Variants in POU4F3 observed in about 807,000 individuals in gnomAD.
The protein encoded by POU4F3 is POU class 4 homeobox 3.
A neutral mutation model predicts 22.0 loss-of-function variants in POU4F3; 7 were observed. That is an observed-to-expected ratio of 0.32 (90% CI 0.18 to 0.60). The LOEUF is 0.60. POU4F3 is among the 20% of genes least tolerant of loss of function. The pLI is 0.85. For synonymous variants in POU4F3, 220 were observed against 194.5 expected (o/e 1.13, Z -1.09); for missense variants, 457 against 467.4 (o/e 0.98, Z 0.21).
chr5:146,339,791 C>T lies in POU4F3; in HGVS notation c.364C>T (p.His122Tyr), dbSNP rs1031024476. 1 of 1,611,912 alleles carries T rather than the reference C, an allele frequency of 6.2e-7. No homozygotes were observed. The highest frequency in any genetic ancestry group is 8.5e-7 in the Non-Finnish European group (1 of 1,179,932). The change falls in exon 2 of 2, where the codon CAC becomes TAC. Residue 122 changes from histidine (H) to tyrosine (Y), a missense_variant. Coordinates refer to ENST00000646991, the MANE Select transcript of POU4F3 (RefSeq NM_002700.3). The surrounding 1 kb of genome is among the most constrained non-coding windows in gnomAD (Gnocchi z 4.7). Reference protein sequence around the residue: ...HQGLEGDLLEHISPTLSVSGL... With the variant: ...HQGLEGDLLEYISPTLSVSGL... The stretch of plus-strand genomic sequence containing the variant: ...GGGCCTCGAAGGCGACCTGCTGGAG[C>T]ACATCTCGCCCACGCTGAGTGTGAG...
In POU4F3 at chr5:146,338,924, C is replaced by A. The variant is rs1454337289; in HGVS notation, c.-189C>A. On this transcript the variant is annotated 5_prime_UTR_variant, in exon 1 of 2. Coordinates refer to ENST00000646991, the MANE Select transcript of POU4F3 (RefSeq NM_002700.3). ...AGTCCCCGGCGCGTGAGCACGCCTG[C>A]GCGCGCCCGGGCCCTTCCTGGCAGG... 3.2e-6 allele frequency: 3 copies of A among 944,636 alleles called. No individual in the cohort carries two copies. The highest frequency in any genetic ancestry group is 4.8e-6 in the Non-Finnish European group (3 of 622,154). 58.5% of individuals were successfully genotyped at this position (944,636 alleles called of 1,614,324 possible). A position where few individuals can be genotyped will look rare whatever the true frequency, so the allele number is the denominator to read the frequency against.
rs1267752428 is a variant in POU4F3, at chr5:146,340,939, T to C, written c.*495T>C. ...TTTATTAGAGTATATAAAATACATG[T>C]ATGTTTCCAAAGGATAGCCTTATAC... On this transcript the variant is annotated 3_prime_UTR_variant, in exon 2 of 2. Transcript: ENST00000646991. 9.8e-6 allele frequency: 2 copies of C among 204,402 alleles called. No homozygotes were observed. The highest frequency in any genetic ancestry group is 2.0e-5 in the Non-Finnish European group (2 of 99,498). The allele number at this position is 204,402 out of a possible 1,614,324, so 12.7% of individuals were successfully genotyped here.
Position 146,339,257 on chromosome 5 carries a change from C to G in POU4F3, c.120+25C>G, listed in dbSNP as rs1224021783. 1 of 1,614,100 alleles carries G rather than the reference C, an allele frequency of 6.2e-7. No individual in the cohort carries two copies. The highest frequency in any genetic ancestry group is 2.2e-5 in the East Asian group (1 of 44,858). ...GGTACGTAGTGGAGCATAATTACCG[C>G]TCTAAGGCACATTTTTTGACAGGCA... On this transcript the variant is annotated intron_variant, in intron 1 of 1. Transcript: ENST00000646991. This position sits in a 1 kb window ranked among gnomAD's most constrained non-coding sequence, Gnocchi z 4.7.
chr5:146,340,291 A>G lies in POU4F3; in HGVS notation c.864A>G (p.Ser288=), dbSNP rs757659553. The change falls in exon 2 of 2, where the codon TCA becomes TCG. Residue 288 remains serine (S), a synonymous_variant. Transcript: ENST00000646991. ...CCATCGCGGCGCCGGAGAAGCGTTCACTCGAGGCCTATTTCGCTATCCAGC... is the reference window on the plus strand; with the variant it reads ...CCATCGCGGCGCCGGAGAAGCGTTCGCTCGAGGCCTATTTCGCTATCCAGC... ...RTSIAAPEKR[S]LEAYFAIQPR... 5.6e-6 allele frequency: 9 copies of G among 1,614,052 alleles called. No homozygotes were observed. Among genetic ancestry groups the G allele is most frequent in the Non-Finnish European group, 7.6e-6 (9 of 1,180,040 alleles).
rs772598858 is a variant in POU4F3 at position 146,339,199 on chromosome 5, G to C, written c.87G>C (p.Glu29Asp). The C allele has an allele frequency of 5.0e-6, 8 of 1,614,126 alleles. No homozygotes were observed. In the African/African-American group the frequency reaches 1.1e-4, roughly 22 times the overall value. Residue 29 changes from glutamate to aspartate, a missense_variant, in exon 1 of 2, where the codon GAG becomes GAC. By Grantham distance (45) the Glu-to-Asp change is conservative. Transcript: ENST00000646991. The surrounding 1 kb of genome is among the most constrained non-coding windows in gnomAD (Gnocchi z 4.7). ...PKFSSLHSGS[E>D]AMRRVCLPAP... The stretch of plus-strand genomic sequence containing the variant: ...TCTCCAGTCTGCACTCTGGCTCCGA[G>C]GCCATGCGCCGAGTCTGTCTCCCAG...
At position 146,338,932 on chromosome 5, in the gene POU4F3, C is replaced by CG. The variant is rs2126960679; in HGVS notation, c.-178dup. 9.7e-7 allele frequency: 1 copy of CG among 1,035,222 alleles called. No individual in the cohort carries two copies. The highest frequency in any genetic ancestry group is 2.6e-5 in the East Asian group (1 of 38,394). The allele number at this position is 1,035,222 out of a possible 1,614,324, so 64.1% of individuals were successfully genotyped here. A position where few individuals can be genotyped will look rare whatever the true frequency, so the allele number is the denominator to read the frequency against. On this transcript the variant is annotated 5_prime_UTR_variant, in exon 1 of 2. Transcript: ENST00000646991. ...GCGCGTGAGCACGCCTGCGCGCGCC[C>CG]GGGCCCTTCCTGGCAGGCTGCTTGT...
rs979792590 is a variant in POU4F3 at position 146,340,659 on chromosome 5, A to G, written c.*215A>G. 1.5e-6 allele frequency: 1 copy of G among 649,652 alleles called. No homozygotes were observed. Among genetic ancestry groups the G allele is most frequent in the Middle Eastern group, 4.3e-4 (1 of 2,340 alleles). The allele number at this position is 649,652 out of a possible 1,614,324, so 40.2% of individuals were successfully genotyped here. A position where few individuals can be genotyped will look rare whatever the true frequency, so the allele number is the denominator to read the frequency against. ...CCAAAAAAATTTTGGCGCTGGGAAA[A>G]TATTGCAGAAGGGCGGGCCTGAGTG... On this transcript the variant is annotated 3_prime_UTR_variant, in exon 2 of 2. Transcript: ENST00000646991.
At position 146,339,655 on chromosome 5, in the gene POU4F3, C is replaced by T. The variant is rs1581278124; in HGVS notation, c.228C>T (p.Pro76=). The change falls in exon 2 of 2, where the codon CCC becomes CCT. Residue 76 remains proline, a synonymous_variant. Transcript: ENST00000646991. The surrounding 1 kb of genome is among the most constrained non-coding windows in gnomAD (Gnocchi z 4.7). ...VSHGKNHPFK[P]DATYHTMSSV... The stretch of plus-strand genomic sequence containing the variant: ...ACGGCAAGAACCATCCGTTCAAGCC[C>T]GACGCCACCTACCATACCATGAGCA... 4 of 1,614,186 alleles carry T rather than the reference C, an allele frequency of 2.5e-6. No individual in the cohort carries two copies. Among genetic ancestry groups the T allele is most frequent in the Admixed American group, 3.3e-5 (2 of 60,032 alleles).
Position 146,339,392 on chromosome 5 carries a change from C to T in POU4F3, c.121-156C>T. ...CGCGCTCTCTCTCTCATTCATGTCT[C>T]TGATCCACACGTCTGTTCCAGCAGA... On this transcript the variant is annotated intron_variant, in intron 1 of 1. Coordinates refer to ENST00000646991, the MANE Select transcript of POU4F3 (RefSeq NM_002700.3). This position sits in a 1 kb window ranked among gnomAD's most constrained non-coding sequence, Gnocchi z 4.7. 1 of 1,482,942 alleles carries T rather than the reference C, an allele frequency of 6.7e-7. No homozygotes were observed. The highest frequency in any genetic ancestry group is 1.4e-5 in the African/African-American group (1 of 72,236). The allele number at this position is 1,482,942 out of a possible 1,614,324, so 91.9% of individuals were successfully genotyped here. A position where few individuals can be genotyped will look rare whatever the true frequency, so the allele number is the denominator to read the frequency against.
Position 146,339,302 on chromosome 5 carries a change from A to T in POU4F3, c.120+70A>T. On this transcript the variant is annotated intron_variant, in intron 1 of 1. Coordinates refer to ENST00000646991, the MANE Select transcript of POU4F3 (RefSeq NM_002700.3). This position sits in a 1 kb window ranked among gnomAD's most constrained non-coding sequence, Gnocchi z 4.7. ...CAGGCACTAGCTTCATGTTTTTTTC[A>T]TGTCGCCCAGAACAATCGCCGCTGT... 6.2e-7 allele frequency: 1 copy of T among 1,604,966 alleles called. No individual in the cohort carries two copies. The highest frequency in any genetic ancestry group is 8.5e-7 in the Non-Finnish European group (1 of 1,173,078).
Position 146,340,464 on chromosome 5 carries a change from C to T in POU4F3, c.*20C>T. The T allele has an allele frequency of 6.2e-7, 1 of 1,613,222 alleles. No homozygotes were observed. The highest frequency in any genetic ancestry group is 8.5e-7 in the Non-Finnish European group (1 of 1,180,002). ...CACTGATTGCGGCAGGGCGCAGCGTCGGGAGCCGGGAGAGCCTAGTGCTCA... is the reference window on the plus strand; with the variant it reads ...CACTGATTGCGGCAGGGCGCAGCGTTGGGAGCCGGGAGAGCCTAGTGCTCA... On this transcript the variant is annotated 3_prime_UTR_variant, in exon 2 of 2. Coordinates refer to ENST00000646991, the MANE Select transcript of POU4F3 (RefSeq NM_002700.3).
At position 146,340,294 on chromosome 5, in the gene POU4F3, C is replaced by G; in HGVS notation, c.867C>G (p.Leu289=). The G allele has an allele frequency of 6.2e-7, 1 of 1,614,222 alleles. No individual in the cohort carries two copies. The highest frequency in any genetic ancestry group is 8.5e-7 in the Non-Finnish European group (1 of 1,180,042). Residue 289 remains leucine, a synonymous_variant, in exon 2 of 2, where the codon CTC becomes CTG. Transcript: ENST00000646991. ...TCGCGGCGCCGGAGAAGCGTTCACT[C>G]GAGGCCTATTTCGCTATCCAGCCAC... The part of the protein sequence containing the change: ...TSIAAPEKRS[L]EAYFAIQPRP...
At position 146,339,906 on chromosome 5, in the gene POU4F3, G is replaced by A. The variant is rs1271033477; in HGVS notation, c.479G>A (p.Gly160Asp). 1 of 1,609,282 alleles carries A rather than the reference G, an allele frequency of 6.2e-7. No homozygotes were observed. Among genetic ancestry groups the A allele is most frequent in the South Asian group, 1.1e-5 (1 of 91,080 alleles). ...GAMGHLHQAM[G>D]MSHPHTVAPH... Reference sequence around the variant, plus strand: ...ATGGGCCACCTGCACCAGGCCATGGGCATGAGTCACCCGCACACCGTGGCC... The same window carrying A: ...ATGGGCCACCTGCACCAGGCCATGGACATGAGTCACCCGCACACCGTGGCC... The change falls in exon 2 of 2, where the codon GGC (glycine) becomes GAC (aspartate). Residue 160 changes from glycine to aspartate, a missense_variant. This residue lies in a region of POU4F3 where 410 missense variants were observed against 385.0 expected (regional missense o/e 1.06). Coordinates refer to ENST00000646991, the MANE Select transcript of POU4F3 (RefSeq NM_002700.3). This position sits in a 1 kb window ranked among gnomAD's most constrained non-coding sequence, Gnocchi z 4.7.
Position 146,339,694 on chromosome 5 carries a change from G to T in POU4F3, c.267G>T (p.Thr89=). 2 of 1,614,136 alleles carry T rather than the reference G, an allele frequency of 1.2e-6. No individual in the cohort carries two copies. The highest frequency in any genetic ancestry group is 1.7e-6 in the Non-Finnish European group (2 of 1,180,026). Residue 89 remains threonine, a synonymous_variant, in exon 2 of 2, where the codon ACG becomes ACT. Coordinates refer to ENST00000646991, the MANE Select transcript of POU4F3 (RefSeq NM_002700.3). The surrounding 1 kb of genome is among the most constrained non-coding windows in gnomAD (Gnocchi z 4.7). ...TYHTMSSVPC[T]STSSTVPISH... ...ATACCATGAGCAGCGTGCCCTGCAC[G>T]TCCACTTCGTCCACCGTGCCCATCT...
In POU4F3 at chr5:146,339,766, G is replaced by A. The variant is rs1366862146; in HGVS notation, c.339G>A (p.Gln113=). The change falls in exon 2 of 2, where the codon CAG becomes CAA. Residue 113 remains glutamine (Q), a synonymous_variant. Coordinates refer to ENST00000646991, the MANE Select transcript of POU4F3 (RefSeq NM_002700.3). This position sits in a 1 kb window ranked among gnomAD's most constrained non-coding sequence, Gnocchi z 4.7. Reference sequence around the variant, plus strand: ...CACACCCTCACCACGCCGTGCACCAGGGCCTCGAAGGCGACCTGCTGGAGC... The same window carrying A: ...CACACCCTCACCACGCCGTGCACCAAGGCCTCGAAGGCGACCTGCTGGAGC... ...LTSHPHHAVH[Q]GLEGDLLEHI... is the part of the protein sequence containing the mutation. The A allele has an allele frequency of 6.2e-7, 1 of 1,613,282 alleles. No individual in the cohort carries two copies. The highest frequency in any genetic ancestry group is 1.7e-5 in the Admixed American group (1 of 60,024).
rs781331459 is a variant in POU4F3, at chr5:146,340,325, T to A, written c.898T>A (p.Ser300Thr). The A allele has an allele frequency of 1.9e-6, 3 of 1,614,074 alleles. No individual in the cohort carries two copies. In the African/African-American group the frequency reaches 4.0e-5, roughly 22 times the overall value. Reference sequence around the variant, plus strand: ...CTATTTCGCTATCCAGCCACGTCCTTCATCTGAGAAGATCGCGGCCATCGC... The same window carrying A: ...CTATTTCGCTATCCAGCCACGTCCTACATCTGAGAAGATCGCGGCCATCGC... ...EAYFAIQPRP[S>T]SEKIAAIAEK... The change falls in exon 2 of 2, where the codon TCA becomes ACA. Residue 300 changes from serine (S) to threonine (T), a missense_variant. Transcript: ENST00000646991.
chr5:146,338,913 G>A lies in POU4F3; in HGVS notation c.-200G>A. 1 of 849,624 alleles carries A rather than the reference G, an allele frequency of 1.2e-6. No homozygotes were observed. Among genetic ancestry groups the A allele is most frequent in the African/African-American group, 1.7e-5 (1 of 59,660 alleles). 52.6% of individuals were successfully genotyped at this position (849,624 alleles called of 1,614,324 possible). ...CCGCCCCTGCGAGTCCCCGGCGCGT[G>A]AGCACGCCTGCGCGCGCCCGGGCCC... On this transcript the variant is annotated 5_prime_UTR_variant, in exon 1 of 2. Transcript: ENST00000646991.
rs770468027 is a variant in POU4F3 at position 146,339,841 on chromosome 5, G to A, written c.414G>A (p.Ser138=). ...GCGGCCTGGGCGCTCCGGAACACTCGGTGATGCCCGCACAGATCCATCCAC... is the reference window on the plus strand; with the variant it reads ...GCGGCCTGGGCGCTCCGGAACACTCAGTGATGCCCGCACAGATCCATCCAC... ...SVSGLGAPEH[S]VMPAQIHPHH... The change falls in exon 2 of 2, where the codon TCG becomes TCA. Residue 138 remains serine (S), a synonymous_variant. Coordinates refer to ENST00000646991, the MANE Select transcript of POU4F3 (RefSeq NM_002700.3). The surrounding 1 kb of genome is among the most constrained non-coding windows in gnomAD (Gnocchi z 4.7). 7 of 1,608,482 alleles carry A rather than the reference G, an allele frequency of 4.4e-6. No homozygotes were observed. The highest frequency in any genetic ancestry group is 5.1e-6 in the Non-Finnish European group (6 of 1,179,890).
At position 146,339,293 on chromosome 5, in the gene POU4F3, GT is replaced by G; in HGVS notation, c.120+68del. The G allele has an allele frequency of 2.5e-6, 4 of 1,609,472 alleles. No homozygotes were observed. The highest frequency in any genetic ancestry group is 2.6e-6 in the Non-Finnish European group (3 of 1,176,402). ...ATTTTTTGACAGGCACTAGCTTCAT[GT>G]TTTTTTCATGTCGCCCAGAACAATC... On this transcript the variant is annotated intron_variant, in intron 1 of 1. Coordinates refer to ENST00000646991, the MANE Select transcript of POU4F3 (RefSeq NM_002700.3). The surrounding 1 kb of genome is among the most constrained non-coding windows in gnomAD (Gnocchi z 4.7).
Sources: allele counts gnomAD v4.1 joint callset, GRCh38; gene constraint gnomAD v4.1.1; regional missense constraint gnomAD v4.1.1; non-coding constraint Gnocchi (gnomAD v3.1); transcripts MANE v1.5; gene names NCBI Gene and HGNC (gene_info 2026-07-23, HGNC 2026-07-21).